PPFIA1: variants seen among roughly 807,000 people sequenced by gnomAD.
PPFIA1 encodes liprin-alpha-1.
Under a neutral mutation model 149.9 loss-of-function variants are expected in PPFIA1, and 25 were observed. That is an observed-to-expected ratio of 0.17 (90% CI 0.12 to 0.23). The LOEUF (loss-of-function observed/expected upper bound fraction) is 0.23. Ranked by LOEUF, PPFIA1 falls within the 10% of genes least tolerant of loss-of-function variation. The probability of loss-of-function intolerance (pLI) is 1.00; values close to 1 mark genes in which losing one functional copy is unlikely to be tolerated. For missense variants in PPFIA1, 1,362 were observed against 1,506.5 expected, an observed-to-expected ratio of 0.90 and a Z score of 1.59; for synonymous variants, 549 against 552.8, an observed-to-expected ratio of 0.99 and a Z score of 0.10.
chr11:70,325,644 G>A, intron 5 of PPFIA1, 70 bp downstream of exon 5: 2 of 1,272,478 alleles, frequency 1.6e-6, no homozygotes, highest in Non-Finnish European at 2.3e-6. Flanking sequence ...ATTAAAAGCA[G>A]CATAAGGCCA....
chr11:70,274,992 G>A (rs1254604342), intron 2 of PPFIA1, among the ~76,000 whole-genome samples: 6 of 152,232 alleles, frequency 3.9e-5, no homozygotes, highest in African/African-American at 1.4e-4. Flanking sequence ...AAATGATGGT[G>A]TGTGCATTTG....
intron 10 of PPFIA1, chr11:70,334,263 G>C (rs1052213892): frequency 1.3e-5 from 2 of 152,246 alleles, no homozygotes; most frequent in African/African-American, 2.4e-5. Flanking sequence ...GTGGAGAAAG[G>C]AAGCATGCAG....
At chr11:70,304,890 C>G (rs1418128801) in intron 2 of PPFIA1, among the ~76,000 whole-genome samples, 1 of 152,196 alleles carries the variant, frequency 6.6e-6, no homozygotes, top group Non-Finnish European at 1.5e-5. Context: ...AGCACCCCCT[C>G]ATTTTACTAG....
intron 2 of PPFIA1, among the ~76,000 whole-genome samples, chr11:70,291,939 G>A (rs1290188999): frequency 1.3e-5 from 2 of 149,246 alleles, no homozygotes; most frequent in African/African-American, 2.5e-5. Context: ...CCATGTTCAA[G>A]CGATTCTCCT....
At chr11:70,319,959 C>T (rs931156823) in intron 2 of PPFIA1, 1 of 152,304 alleles carries the variant, frequency 6.6e-6, no homozygotes, top group Admixed American at 6.5e-5. Context: ...TTCAACTCAG[C>T]TCCCGCAGTA....
chr11:70,375,165 G>C, intron 24 of PPFIA1, 72 bp downstream of exon 24: 8 of 388,336 alleles, frequency 2.1e-5, no homozygotes, highest in Non-Finnish European at 2.8e-5. Context: ...CTAGTTATTC[G>C]AATAGAAAGA....
intron 8 of PPFIA1, 92 bp downstream of exon 8, chr11:70,330,411 T>G: frequency 8.5e-7 from 1 of 1,175,884 alleles, no homozygotes; most frequent in Non-Finnish European, 1.2e-6. Context: ...GGAAATCAAG[T>G]CCAAATATCA....
At chr11:70,320,833 G>A (rs774469456) in intron 2 of PPFIA1, among the ~76,000 whole-genome samples, 36 of 152,152 alleles carry the variant, frequency 2.4e-4, no homozygotes, top group Non-Finnish European at 4.9e-4. Flanking sequence ...TGTGGTCCTA[G>A]GGAGGTAGAA....
intron 9 of PPFIA1, among the ~76,000 whole-genome samples, chr11:70,332,746 G>A (rs1486199531): frequency 6.6e-6 from 1 of 152,202 alleles, no homozygotes; most frequent in Non-Finnish European, 1.5e-5. Flanking sequence ...AGCCTCTGGG[G>A]CGTGGGGAGC....
intron 2 of PPFIA1, among the ~76,000 whole-genome samples, chr11:70,294,914 C>T (rs1201219426): frequency 6.6e-6 from 1 of 151,710 alleles, no homozygotes; most frequent in Non-Finnish European, 1.5e-5. Context: ...AAGAATTTTT[C>T]TTAGTACAGA....
chr11:70,287,625 G>A (rs1004535325), intron 2 of PPFIA1, among the ~76,000 whole-genome samples: 1 of 151,008 alleles, frequency 6.6e-6, no homozygotes, highest in Admixed American at 6.6e-5. Flanking sequence ...CACTACACCC[G>A]GCCTTTTTTT....
intron 21 of PPFIA1, among the ~76,000 whole-genome samples, chr11:70,364,120 C>T (rs368684015): frequency 1.3e-5 from 2 of 152,238 alleles, no homozygotes; most frequent in East Asian, 3.9e-4. Context: ...AAGATGAGAT[C>T]ACTGGTTGCC....
rs560374613 is a variant in PPFIA1 at position 70,270,735 on chromosome 11, C to T, written c.-180C>T. On this transcript the variant is annotated 5_prime_UTR_variant, in exon 1 of 28. Coordinates refer to ENST00000253925, the MANE Select transcript of PPFIA1 (RefSeq NM_003626.5). ...CGGGCCCGCTCCTCCTCCGCTCCGC[C>T]AGTGTCCGGCCGCGGGCCGGCCTTA... 6.6e-6 allele frequency: 1 copy of T among 150,744 alleles called. No homozygotes were observed. The highest frequency in any genetic ancestry group is 1.5e-5 in the Non-Finnish European group (1 of 67,576). The allele number at this position is 150,744 out of a possible 1,614,324, so 9.3% of individuals were successfully genotyped here.
chr11:70,357,031 G>T (rs1298307367), intron 19 of PPFIA1, among the ~76,000 whole-genome samples: 2 of 152,028 alleles, frequency 1.3e-5, no homozygotes, highest in East Asian at 3.8e-4. Context: ...GGTGAGTTGC[G>T]TGTTGGCTGA....
In PPFIA1 at chr11:70,382,109, G is replaced by C; in HGVS notation, c.3572G>C (p.Arg1191Thr). Residue 1191 changes from arginine (R) to threonine (T), a missense_variant, in exon 27 of 28, where the codon AGG becomes ACG. Arg to Thr is a moderately conservative substitution (Grantham distance 71, BLOSUM62 -1). This residue lies in a region of PPFIA1 where 349 missense variants were observed against 373.3 expected (regional missense o/e 0.93). Transcript: ENST00000253925. ...ACAGGCAATGTATCAGGAACACAGA[G>C]GTTGGATTCTGCTACAGTCAGGACT... ...QMDGNVSGTQ[R>T]LDSATVRTYS... 6.2e-7 allele frequency: 1 copy of C among 1,614,070 alleles called. No individual in the cohort carries two copies. The highest frequency in any genetic ancestry group is 8.5e-7 in the Non-Finnish European group (1 of 1,179,986).
intron 9 of PPFIA1, 91 bp downstream of exon 9, chr11:70,332,185 A>G: frequency 7.0e-7 from 1 of 1,427,782 alleles, no homozygotes; most frequent in Non-Finnish European, 9.3e-7. Flanking sequence ...TTATTACATC[A>G]GCACCTAAAT....
chr11:70,279,099 A>G (rs1211006108), intron 2 of PPFIA1: 1 of 534,272 alleles, frequency 1.9e-6, no homozygotes, highest in Non-Finnish European at 3.5e-6. Flanking sequence ...TGCCAGTTCA[A>G]GTACCTCTGC....
At chr11:70,298,549 G>C (rs150506022) in intron 2 of PPFIA1, among the ~76,000 whole-genome samples, 20 of 152,276 alleles carry the variant, frequency 1.3e-4, no homozygotes, top group Non-Finnish European at 2.6e-4. Context: ...AAAAGGCCCA[G>C]GTGCTGCCAG....
At chr11:70,280,644 T>C (rs2050702957) in intron 2 of PPFIA1, among the ~76,000 whole-genome samples, 2 of 152,206 alleles carry the variant, frequency 1.3e-5, no homozygotes, top group Admixed American at 1.3e-4. Context: ...CACTGTTCAC[T>C]GCAGCCTCAA....
Sources: gnomAD v4.1 joint callset for allele counts (sites outside exome capture counted in the v4.1 genomes callset) on GRCh38, gnomAD v4.1.1 for gene constraint, gnomAD v4.1.1 regional missense constraint, MANE v1.5 for transcripts, NCBI Gene and HGNC (gene_info 2026-07-23, HGNC 2026-07-21) for gene names.